FAM53B: variants seen among roughly 807,000 people sequenced by gnomAD.
FAM53B encodes the protein protein FAM53B.
A neutral mutation model predicts 32.7 loss-of-function variants in FAM53B; 12 were observed. That is an observed-to-expected ratio of 0.37 (90% confidence interval 0.24 to 0.59). The LOEUF is 0.59. Among genes scored for constraint, FAM53B ranks in the 20% least tolerant of loss-of-function variants. The probability of loss-of-function intolerance (pLI) is 0.72; values close to 1 mark genes in which losing one functional copy is unlikely to be tolerated. For missense variants in FAM53B, 477 were observed against 577.7 expected (o/e 0.83, Z 1.79); for synonymous variants, 234 against 228.7 (o/e 1.02, Z -0.21).
intron 2 of FAM53B, among the ~76,000 whole-genome samples, chr10:124,706,306 C>G (rs1254676092): frequency 6.6e-6 from 1 of 152,194 alleles, no homozygotes; most frequent in African/African-American, 2.4e-5. Flanking sequence ...CCTCTGGAAA[C>G]CACCCCCCCT....
intron 4 of FAM53B, among the ~76,000 whole-genome samples, chr10:124,662,665 G>A (rs1168143583): frequency 6.6e-6 from 1 of 152,096 alleles, no homozygotes; most frequent in Non-Finnish European, 1.5e-5. Flanking sequence ...AAAATTAAAA[G>A]ACTTAAAAAT....
At position 124,658,090 on chromosome 10, in the gene FAM53B, A is replaced by G. The variant is rs116673602; in HGVS notation, c.906+23517T>C. Among the ~76,000 whole-genome samples, 639 of 152,322 alleles carry G rather than the reference A, an allele frequency of 4.2e-3. 6 individuals carry two copies. Among genetic ancestry groups the G allele is most frequent in the African/African-American group, 0.014 (584 of 41,570 alleles). On this transcript the variant is annotated intron_variant, in intron 4 of 4. Transcript: ENST00000337318. The stretch of plus-strand genomic sequence containing the variant: ...GGTTGTGACTGGTGACTTTTCTCCC[A>G]CAGTCAAAGAACCAGGTCAGTTCCC...
intron 4 of FAM53B, among the ~76,000 whole-genome samples, chr10:124,678,716 A>G (rs907405037): frequency 1.3e-5 from 2 of 152,158 alleles, no homozygotes; most frequent in Non-Finnish European, 2.9e-5. Context: ...GCTGAACTCA[A>G]CTGTGGATAC....
Position 124,733,540 on chromosome 10 carries a change from G to C in FAM53B, c.-175+10473C>G, listed in dbSNP as rs1360034085. ...TCCCTTTAAAGAAAAAAAAAAGGTA[G>C]TTTTACACTGAATCAGACTGTTTCA... On this transcript the variant is annotated intron_variant, in intron 1 of 4. Coordinates refer to ENST00000337318, the MANE Select transcript of FAM53B (RefSeq NM_014661.4). This position sits in a 1 kb window ranked among gnomAD's most constrained non-coding sequence, Gnocchi z 4.3. Among the ~76,000 whole-genome samples the C allele has an allele frequency of 6.6e-6, 1 of 152,194 alleles. No homozygotes were observed. Among genetic ancestry groups the C allele is most frequent in the Non-Finnish European group, 1.5e-5 (1 of 68,028 alleles).
intron 4 of FAM53B, among the ~76,000 whole-genome samples, chr10:124,681,156 C>T (rs1384601192): frequency 1.3e-5 from 2 of 152,208 alleles, no homozygotes; most frequent in Non-Finnish European, 2.9e-5. Context: ...TCCCCCCAAT[C>T]GCTAGCTCTT....
At chr10:124,645,019 G>A (rs184760983) in intron 4 of FAM53B, among the ~76,000 whole-genome samples, 38 of 152,350 alleles carry the variant, frequency 2.5e-4, no homozygotes, top group African/African-American at 9.1e-4. Context: ...CTGAAGCCAG[G>A]CCACAAGGCA....
At chr10:124,699,020 C>T (rs1167260845) in intron 2 of FAM53B, among the ~76,000 whole-genome samples, 1 of 152,238 alleles carries the variant, frequency 6.6e-6, no homozygotes, top group Non-Finnish European at 1.5e-5. Context: ...GGGATCTTCA[C>T]GCAGCAGGCT....
intron 4 of FAM53B, among the ~76,000 whole-genome samples, chr10:124,629,583 G>C (rs1949378080): frequency 6.6e-6 from 1 of 152,148 alleles, no homozygotes; most frequent in Admixed American, 6.5e-5. Flanking sequence ...CTCTGGCTGA[G>C]TGGACGCATT....
chr10:124,661,055 T>C (rs1376167585), intron 4 of FAM53B, among the ~76,000 whole-genome samples: 2 of 33,524 alleles, frequency 6.0e-5, no homozygotes, highest in Non-Finnish European at 1.4e-4. Context: ...GCTACTGAAA[T>C]TAAAAAAAAA....
rs1949627143 is a variant in FAM53B at position 124,660,971 on chromosome 10, C to T, written c.906+20636G>A. 2.7e-5 allele frequency among the ~76,000 whole-genome samples: 4 copies of T among 150,302 alleles called. No homozygotes were observed. In the Admixed American group the frequency reaches 2.7e-4, roughly 10 times the overall value. On this transcript the variant is annotated intron_variant, in intron 4 of 4. Coordinates refer to ENST00000337318, the MANE Select transcript of FAM53B (RefSeq NM_014661.4). Reference sequence around the variant, plus strand: ...GGTACAATGTACACTACTTGAGTGACAGGTGCACTAAAATCTCAGACTTCA... The same window carrying T: ...GGTACAATGTACACTACTTGAGTGATAGGTGCACTAAAATCTCAGACTTCA...
chr10:124,724,719 C>T (rs1047999419), intron 1 of FAM53B, among the ~76,000 whole-genome samples: 2 of 152,302 alleles, frequency 1.3e-5, no homozygotes, highest in Non-Finnish European at 2.9e-5. Flanking sequence ...CAGCCCCAGC[C>T]GTGACCCAAG....
intron 2 of FAM53B, among the ~76,000 whole-genome samples, chr10:124,699,368 C>T (rs1456148791): frequency 6.6e-6 from 1 of 152,234 alleles, no homozygotes; most frequent in Non-Finnish European, 1.5e-5. Context: ...CTCCCAAAAT[C>T]GCTGGCCTCA....
At chr10:124,740,129 A>G (rs963758967) in intron 1 of FAM53B, among the ~76,000 whole-genome samples, 1 of 152,134 alleles carries the variant, frequency 6.6e-6, no homozygotes, top group African/African-American at 2.4e-5. Context: ...ATTTCCTCCC[A>G]TCCTAGCCAG....
intron 4 of FAM53B, among the ~76,000 whole-genome samples, chr10:124,629,993 G>A (rs1589730252): frequency 6.6e-6 from 1 of 152,108 alleles, no homozygotes; most frequent in African/African-American, 2.4e-5. Flanking sequence ...TTTCCCTAGG[G>A]GCTGACTGCC....
intron 4 of FAM53B, among the ~76,000 whole-genome samples, chr10:124,666,084 A>T (rs1246250967): frequency 2.0e-5 from 3 of 152,138 alleles, no homozygotes; most frequent in Admixed American, 6.5e-5. Context: ...TTCCCAGGTT[A>T]TTGGCTGCCT....
chr10:124,708,414 A>G (rs1456150641), intron 1 of FAM53B, among the ~76,000 whole-genome samples: 1 of 152,232 alleles, frequency 6.6e-6, no homozygotes, highest in Non-Finnish European at 1.5e-5. Flanking sequence ...GAGGAGGGAA[A>G]TCAATACATG....
chr10:124,705,133 C>G (rs1949944296), intron 2 of FAM53B, among the ~76,000 whole-genome samples: 1 of 152,190 alleles, frequency 6.6e-6, no homozygotes, highest in Non-Finnish European at 1.5e-5. Context: ...GGGGGTGACA[C>G]CCCATGGAGA....
rs1949289870 is a variant in FAM53B, at chr10:124,619,482, T to C, written c.*3760A>G. Reference sequence around the variant, plus strand: ...CTGAAGCACGGCAACACCCACAACATCCAGCTCAGGGAAGCCCCTGCAGCC... The same window carrying C: ...CTGAAGCACGGCAACACCCACAACACCCAGCTCAGGGAAGCCCCTGCAGCC... On this transcript the variant is annotated 3_prime_UTR_variant, in exon 5 of 5. Transcript: ENST00000337318. 6.6e-6 allele frequency: 1 copy of C among 152,212 alleles called. No individual in the cohort carries two copies. Among genetic ancestry groups the C allele is most frequent in the Admixed American group, 6.6e-5 (1 of 15,252 alleles). 9.4% of individuals were successfully genotyped at this position (152,212 alleles called of 1,614,324 possible).
At chr10:124,718,985 T>G (rs1950052483) in intron 1 of FAM53B, among the ~76,000 whole-genome samples, 1 of 151,694 alleles carries the variant, frequency 6.6e-6, no homozygotes, top group South Asian at 2.1e-4. Context: ...TGCAGTGAGC[T>G]ATGATAGCAA....
Sources: gnomAD v4.1 joint callset for allele counts (sites outside exome capture counted in the v4.1 genomes callset) on GRCh38, gnomAD v4.1.1 for gene constraint, Gnocchi (gnomAD v3.1) non-coding constraint, MANE v1.5 for transcripts, NCBI Gene and HGNC (gene_info 2026-07-23, HGNC 2026-07-21) for gene names.